Variants in PPFIA2 observed in about 807,000 individuals in gnomAD.
PPFIA2 encodes the protein liprin-alpha-2.
A neutral mutation model predicts 175.5 loss-of-function variants in PPFIA2; 46 were observed. That is an observed-to-expected ratio of 0.26 (90% CI 0.21 to 0.34). The LOEUF is 0.34. Ranked by LOEUF, PPFIA2 falls within the 10% of genes least tolerant of loss-of-function variation. The pLI, the probability that PPFIA2 is intolerant of heterozygous loss-of-function variation, is 1.00. For missense variants in PPFIA2, 1,179 were observed against 1,506.1 expected (o/e 0.78, Z 3.60); for synonymous variants, 568 against 511.4 (o/e 1.11, Z -1.49).
intron 4 of PPFIA2, among the ~76,000 whole-genome samples, chr12:81,656,377 A>G (rs891976963): frequency 2.6e-5 from 4 of 152,142 alleles, no homozygotes; most frequent in African/African-American, 9.6e-5. Context: ...TTGACCTGTT[A>G]GAGAATGGTG....
At chr12:81,397,817 A>G (rs914598694) in intron 8 of PPFIA2, among the ~76,000 whole-genome samples, 11 of 151,988 alleles carry the variant, frequency 7.2e-5, no homozygotes, top group Non-Finnish European at 1.2e-4. Flanking sequence ...CACTTGCATT[A>G]CCGTCTGAGC....
intron 5 of PPFIA2, among the ~76,000 whole-genome samples, chr12:81,448,320 A>G (rs1432976285): frequency 1.3e-5 from 2 of 152,130 alleles, no homozygotes; most frequent in African/African-American, 4.8e-5. Flanking sequence ...ATGCTCCCTC[A>G]GTTTCTAGAA....
intron 22 of PPFIA2, chr12:81,312,253 A>C: frequency 7.8e-7 from 1 of 1,277,392 alleles, no homozygotes; most frequent in Non-Finnish European, 1.1e-6. Context: ...AAAACCATGG[A>C]ATAAAACAAG....
At chr12:81,389,977 C>G (rs1277084347) in intron 8 of PPFIA2, among the ~76,000 whole-genome samples, 5 of 152,056 alleles carry the variant, frequency 3.3e-5, no homozygotes, top group Non-Finnish European at 5.9e-5. Context: ...CAACCACTAA[C>G]TACTTTCTGT....
chr12:81,274,656 A>G (rs1022443609), intron 28 of PPFIA2, among the ~76,000 whole-genome samples: 1 of 152,228 alleles, frequency 6.6e-6, no homozygotes, highest in Non-Finnish European at 1.5e-5. Flanking sequence ...GCTTCTTAGC[A>G]ACAAATTAAA....
intron 4 of PPFIA2, among the ~76,000 whole-genome samples, chr12:81,591,559 C>T (rs2058674831): frequency 6.6e-6 from 1 of 152,104 alleles, no homozygotes; most frequent in Non-Finnish European, 1.5e-5. Flanking sequence ...TGGGCCGGGC[C>T]CAGGGTCCTT....
intron 4 of PPFIA2, among the ~76,000 whole-genome samples, chr12:81,482,129 G>GA (rs1007169705): frequency 6.7e-5 from 10 of 149,548 alleles, no homozygotes; most frequent in African/African-American, 1.7e-4. Flanking sequence ...CAACAAACAT[G>GA]AAAAAAAAAG....
At chr12:81,393,576 G>A (rs1428311396) in intron 8 of PPFIA2, among the ~76,000 whole-genome samples, 1 of 151,956 alleles carries the variant, frequency 6.6e-6, no homozygotes, top group Non-Finnish European at 1.5e-5. Context: ...ACATAAACCA[G>A]GAAACTTCAG....
At chr12:81,669,008 C>T (rs1328545256) in intron 4 of PPFIA2, among the ~76,000 whole-genome samples, 1 of 151,990 alleles carries the variant, frequency 6.6e-6, no homozygotes. Flanking sequence ...GGTGGTCCAG[C>T]ATTAAACCAG....
intron 4 of PPFIA2, among the ~76,000 whole-genome samples, chr12:81,472,030 G>C (rs1228795315): frequency 6.6e-6 from 1 of 152,038 alleles, no homozygotes; most frequent in African/African-American, 2.4e-5. Context: ...ACAATAAAAA[G>C]AAATGTAGTA....
At chr12:81,464,957 A>G (rs778398684) in intron 4 of PPFIA2, among the ~76,000 whole-genome samples, 3 of 147,484 alleles carry the variant, frequency 2.0e-5, no homozygotes, top group East Asian at 1.9e-4. Flanking sequence ...TTTAATTGAG[A>G]AAAAAAATGA....
At chr12:81,477,636 C>G (rs905116295) in intron 4 of PPFIA2, among the ~76,000 whole-genome samples, 24 of 152,168 alleles carry the variant, frequency 1.6e-4, no homozygotes, top group Middle Eastern at 3.4e-3. Context: ...TTATCGAAGG[C>G]CTTTTCTGCT....
chr12:81,341,823 A>G (rs966111130), intron 19 of PPFIA2, among the ~76,000 whole-genome samples: 1 of 152,128 alleles, frequency 6.6e-6, no homozygotes, highest in Non-Finnish European at 1.5e-5. Context: ...AACATATAGC[A>G]TTATACATAC....
chr12:81,682,554 G>A (rs1212613501), intron 3 of PPFIA2, among the ~76,000 whole-genome samples: 1 of 151,850 alleles, frequency 6.6e-6, no homozygotes, highest in African/African-American at 2.4e-5. Flanking sequence ...AGTATCAGTG[G>A]AATCAATGTG....
At chr12:81,285,139 C>T (rs1214971732) in intron 24 of PPFIA2, among the ~76,000 whole-genome samples, 4 of 152,062 alleles carry the variant, frequency 2.6e-5, no homozygotes, top group African/African-American at 7.2e-5. Context: ...CACTTAATAA[C>T]GTACAGTTTC....
chr12:81,732,211 T>C (rs1232002072), intron 3 of PPFIA2, among the ~76,000 whole-genome samples: 1 of 151,536 alleles, frequency 6.6e-6, no homozygotes, highest in African/African-American at 2.4e-5. Flanking sequence ...AATGGACAAA[T>C]GGTGACTACA....
chr12:81,631,612 G>A (rs2063396096), intron 4 of PPFIA2, among the ~76,000 whole-genome samples: 1 of 152,112 alleles, frequency 6.6e-6, no homozygotes, highest in Admixed American at 6.6e-5. Context: ...GTTGATACAT[G>A]GGGATCTAAC....
At chr12:81,510,560 T>C (rs1156971159) in intron 4 of PPFIA2, among the ~76,000 whole-genome samples, 1 of 152,118 alleles carries the variant, frequency 6.6e-6, no homozygotes, top group Non-Finnish European at 1.5e-5. Flanking sequence ...CATCATGAGA[T>C]AGGTTCTATG....
chr12:81,674,694 G>T (rs576401400), intron 4 of PPFIA2, among the ~76,000 whole-genome samples: 1 of 152,002 alleles, frequency 6.6e-6, no homozygotes, highest in African/African-American at 2.4e-5. Context: ...ATTTTAAAAA[G>T]GAGAAAATTA....
Sources: allele counts gnomAD v4.1 joint callset (sites outside exome capture counted in the v4.1 genomes callset), GRCh38; gene constraint gnomAD v4.1.1; transcripts MANE v1.5; gene names NCBI Gene and HGNC (gene_info 2026-07-23, HGNC 2026-07-21).